Variants in PPFIBP1 observed in about 807,000 individuals in gnomAD.
PPFIBP1 encodes PPFIB scaffold protein 1.
In PPFIBP1, 112 loss-of-function variants were observed where a neutral mutation model predicts 137.8. That is an observed-to-expected ratio of 0.81 (90% confidence interval 0.70 to 0.95). The LOEUF (loss-of-function observed/expected upper bound fraction) is 0.95. Among genes scored for constraint, PPFIBP1 ranks in the 40% least tolerant of loss-of-function variants. PPFIBP1 has a pLI of 0.00. For synonymous variants in PPFIBP1, 378 were observed against 417.3 expected (o/e 0.91, Z 1.15); for missense variants, 1,083 against 1,196.6 (o/e 0.91, Z 1.40).
rs1448662326 is a variant in PPFIBP1 at position 27,620,232 on chromosome 12, C to T, written c.-35-13130C>T. ...GGCTCAGAACCCTCCAGTGGCCTTC[C>T]ATCTCCATGCTCAATTGAAGTCAAA... On this transcript the variant is annotated intron_variant, in intron 2 of 29. Coordinates refer to ENST00000228425, the MANE Select transcript of PPFIBP1 (RefSeq NM_003622.4). Among the ~76,000 whole-genome samples the T allele has an allele frequency of 4.6e-5, 7 of 152,266 alleles. No individual in the cohort carries two copies. The South Asian group carries it at 6.2e-4, about 14-fold the overall frequency.
At chr12:27,659,447 C>A (rs79579444) in intron 10 of PPFIBP1, among the ~76,000 whole-genome samples, 1 of 150,724 alleles carries the variant, frequency 6.6e-6, no homozygotes, top group South Asian at 2.1e-4. Context: ...CCTGTCTCTA[C>A]AAAAAAAAAT....
rs773383145 is a variant in PPFIBP1 at position 27,681,568 on chromosome 12, A to G, written c.1918A>G (p.Lys640Glu). 6.2e-7 allele frequency: 1 copy of G among 1,614,130 alleles called. No homozygotes were observed. The highest frequency in any genetic ancestry group is 1.7e-5 in the Admixed American group (1 of 60,016). The change falls in exon 22 of 30, where the codon AAG becomes GAG. Residue 640 changes from lysine to glutamate, a missense_variant. Transcript: ENST00000228425. ...TAGTGACTTGGATATGCCATTTGCC[A>G]AGTGGACCAAGGAGCAGGTTTGCAA... ...SNSDLDMPFA[K>E]WTKEQVCNWL... is the part of the protein sequence containing the mutation.
chr12:27,528,924 A>G (rs963911856), intron 1 of PPFIBP1, among the ~76,000 whole-genome samples: 1 of 152,174 alleles, frequency 6.6e-6, no homozygotes, highest in Non-Finnish European at 1.5e-5. Flanking sequence ...CTCTTTGGTT[A>G]TGCTTCTCCC....
chr12:27,681,524 G>T (rs1296253491), intron 21 of PPFIBP1, 22 bp from the exon 22 acceptor site: 1 of 1,608,314 alleles, frequency 6.2e-7, no homozygotes, highest in Non-Finnish European at 8.5e-7. Flanking sequence ...TATTTTTCAT[G>T]CAATTACTCA....
intron 9 of PPFIBP1, among the ~76,000 whole-genome samples, chr12:27,657,941 C>G (rs2059312109): frequency 6.6e-6 from 1 of 151,768 alleles, no homozygotes; most frequent in Admixed American, 6.6e-5. Flanking sequence ...GACCCTGTCT[C>G]TACAAAAAAT....
chr12:27,576,110 A>G (rs1197588680), intron 1 of PPFIBP1, among the ~76,000 whole-genome samples: 3 of 152,206 alleles, frequency 2.0e-5, no homozygotes, highest in Non-Finnish European at 4.4e-5. Flanking sequence ...TTCAGGCAAT[A>G]CTTATTTTCT....
At position 27,658,965 on chromosome 12, in the gene PPFIBP1, A is replaced by G. The variant is rs926192575; in HGVS notation, c.844+117A>G. 13 of 960,672 alleles carry G rather than the reference A, an allele frequency of 1.4e-5. No homozygotes were observed. In the African/African-American group the frequency reaches 1.5e-4, roughly 11 times the overall value. The allele number at this position is 960,672 out of a possible 1,614,324, so 59.5% of individuals were successfully genotyped here. A position where few individuals can be genotyped will look rare whatever the true frequency, so the allele number is the denominator to read the frequency against. On this transcript the variant is annotated intron_variant, in intron 10 of 29. Coordinates refer to ENST00000228425, the MANE Select transcript of PPFIBP1 (RefSeq NM_003622.4). ...CCAAAGATGTAAAGTTGCTTCATCAATAAGCCCTCCATTTCTTCAGAGTGT... is the reference window on the plus strand; with the variant it reads ...CCAAAGATGTAAAGTTGCTTCATCAGTAAGCCCTCCATTTCTTCAGAGTGT...
intron 1 of PPFIBP1, among the ~76,000 whole-genome samples, chr12:27,563,685 A>G: frequency 6.6e-6 from 1 of 152,108 alleles, no homozygotes; most frequent in East Asian, 1.9e-4. Flanking sequence ...TTCGCCCATC[A>G]TGGATCCTGG....
At chr12:27,536,353 C>T (rs558656496) in intron 1 of PPFIBP1, among the ~76,000 whole-genome samples, 27 of 152,300 alleles carry the variant, frequency 1.8e-4, no homozygotes, top group African/African-American at 6.0e-4. Context: ...TTATTTGGCT[C>T]ACGGTTCTGC....
rs1565994436 is a variant in PPFIBP1 at position 27,676,423 on chromosome 12, C to G, written c.1411-5C>G. ...GCTGTTTCACTATTCTTATTTGCCT[C>G]TCAGGACAGAGCTCCGGCAGAAAGC... is the stretch of plus-strand genomic sequence containing the variant. On this transcript the variant is annotated splice_region_variant and splice_polypyrimidine_tract_variant and intron_variant, in intron 17 of 29. Transcript: ENST00000228425. 3 of 1,511,894 alleles carry G rather than the reference C, an allele frequency of 2.0e-6. 1 individual carries two copies. The South Asian group carries it at 4.0e-5, about 20-fold the overall frequency. 93.7% of individuals were successfully genotyped at this position (1,511,894 alleles called of 1,614,324 possible).
chr12:27,627,829 G>A (rs867161151), intron 2 of PPFIBP1, among the ~76,000 whole-genome samples: 2 of 118,454 alleles, frequency 1.7e-5, no homozygotes, highest in South Asian at 2.6e-4. Flanking sequence ...CCCCCGCCCC[G>A]GTTTAGTCTC....
chr12:27,633,192 A>C (rs1423144867), intron 2 of PPFIBP1, among the ~76,000 whole-genome samples, 170 bp from the exon 3 acceptor site: 1 of 152,184 alleles, frequency 6.6e-6, no homozygotes, highest in Non-Finnish European at 1.5e-5. Flanking sequence ...CAGGTATCGC[A>C]TGTGGTCTTG....
chr12:27,629,858 A>G (rs1231705733), intron 2 of PPFIBP1, among the ~76,000 whole-genome samples: 1 of 152,166 alleles, frequency 6.6e-6, no homozygotes, highest in Non-Finnish European at 1.5e-5. Flanking sequence ...TGGATGGTCT[A>G]TTCTTAGTAC....
intron 1 of PPFIBP1, among the ~76,000 whole-genome samples, chr12:27,537,141 T>G (rs575687556): frequency 1.3e-5 from 2 of 151,178 alleles, no homozygotes; most frequent in Non-Finnish European, 3.0e-5. Context: ...CTCTCTCTCT[T>G]TTTTTTTTGA....
At position 27,618,419 on chromosome 12, in the gene PPFIBP1, C is replaced by G. The variant is rs188845580; in HGVS notation, c.-35-14943C>G. 7.9e-5 allele frequency among the ~76,000 whole-genome samples: 12 copies of G among 152,328 alleles called. No homozygotes were observed. The East Asian group carries it at 1.2e-3, about 15-fold the overall frequency. ...AAGTCTGATAAGAAACATTGACAAT[C>G]TATTCTCTGAAGCTTCCTACCTGGA... is the stretch of plus-strand genomic sequence containing the variant. On this transcript the variant is annotated intron_variant, in intron 2 of 29. Transcript: ENST00000228425.
At chr12:27,675,386 A>C (rs1193693912) in intron 17 of PPFIBP1, among the ~76,000 whole-genome samples, 1 of 152,156 alleles carries the variant, frequency 6.6e-6, no homozygotes, top group Non-Finnish European at 1.5e-5. Flanking sequence ...CCATCTGTAA[A>C]CTTTTGGTTT....
At chr12:27,532,807 G>A (rs1177219929) in intron 1 of PPFIBP1, among the ~76,000 whole-genome samples, 1 of 152,118 alleles carries the variant, frequency 6.6e-6, no homozygotes, top group Non-Finnish European at 1.5e-5. Flanking sequence ...CTATATTGGG[G>A]CAAATCTTAC....
intron 11 of PPFIBP1, among the ~76,000 whole-genome samples, chr12:27,662,114 A>C (rs1287757984): frequency 6.6e-6 from 1 of 152,202 alleles, no homozygotes; most frequent in African/African-American, 2.4e-5. Flanking sequence ...GGGGTCGGGG[A>C]TTCAGAAGAC....
At position 27,692,987 on chromosome 12, in the gene PPFIBP1, G is replaced by T. The variant is rs918216636; in HGVS notation, c.*105G>T. On this transcript the variant is annotated 3_prime_UTR_variant, in exon 30 of 30. Transcript: ENST00000228425. The stretch of plus-strand genomic sequence containing the variant: ...GGCAGCGGATTGTCTATTGTTTGTT[G>T]TTCCAACTTCTGCTGTCGAGAAGTT... The T allele has an allele frequency of 1.1e-5, 17 of 1,487,198 alleles. No homozygotes were observed. Among genetic ancestry groups the T allele is most frequent in the Non-Finnish European group, 1.5e-5 (17 of 1,118,100 alleles). The allele number at this position is 1,487,198 out of a possible 1,614,324, so 92.1% of individuals were successfully genotyped here.
Sources: allele counts gnomAD v4.1 joint callset (sites outside exome capture counted in the v4.1 genomes callset), GRCh38; gene constraint gnomAD v4.1.1; transcripts MANE v1.5; gene names NCBI Gene and HGNC (gene_info 2026-07-23, HGNC 2026-07-21).